The following AUTS2 variants were observed in gnomAD, a reference collection of about 807,000 sequenced individuals.
The protein encoded by AUTS2 is activator of transcription and developmental regulator AUTS2, also known as autism susceptibility gene 2 protein.
Under a neutral mutation model 112.4 loss-of-function variants are expected in AUTS2, and 17 were observed. The observed-to-expected ratio is 0.15, with a 90% CI of 0.10 to 0.23. The LOEUF (loss-of-function observed/expected upper bound fraction) is 0.23, where lower values mean the gene tolerates loss of function less well. Among genes scored for constraint, AUTS2 ranks in the 10% least tolerant of loss-of-function variants. The probability of loss-of-function intolerance (pLI) is 1.00; values close to 1 mark genes in which losing one functional copy is unlikely to be tolerated. For synonymous variants in AUTS2, 751 were observed against 702.7 expected, an observed-to-expected ratio of 1.07 and a Z score of -1.09; for missense variants, 1,510 against 1,701.6, an observed-to-expected ratio of 0.89 and a Z score of 1.98.
intron 2 of AUTS2, among the ~76,000 whole-genome samples, chr7:69,909,175 T>A (rs1401053913): frequency 6.6e-6 from 1 of 152,264 alleles, no homozygotes; most frequent in African/African-American, 2.4e-5. Context: ...ATTTTTGTTC[T>A]GTACATTTAC....
intron 1 of AUTS2, among the ~76,000 whole-genome samples, chr7:69,619,420 A>T (rs1443843337): frequency 4.6e-5 from 7 of 152,108 alleles, no homozygotes; most frequent in African/African-American, 1.7e-4. Flanking sequence ...ACATTTAGAA[A>T]ACCTGGAGTC....
chr7:69,906,041 G>A (rs1474892135), intron 2 of AUTS2, among the ~76,000 whole-genome samples: 1 of 152,186 alleles, frequency 6.6e-6, no homozygotes, highest in Non-Finnish European at 1.5e-5. Flanking sequence ...GAGGAGTTAA[G>A]AAAGATAAAG....
intron 1 of AUTS2, among the ~76,000 whole-genome samples, chr7:69,712,662 T>C (rs1584115781): frequency 1.3e-5 from 2 of 152,208 alleles, no homozygotes; most frequent in East Asian, 3.8e-4. Context: ...TTTGCAGTTA[T>C]AAATAAAGCT....
intron 5 of AUTS2, among the ~76,000 whole-genome samples, chr7:70,471,741 GA>G (rs1332206791): frequency 4.6e-5 from 7 of 152,130 alleles, no homozygotes; most frequent in Admixed American, 3.9e-4. Flanking sequence ...GGGATGCAAG[GA>G]AGGCCTTGCT....
intron 2 of AUTS2, among the ~76,000 whole-genome samples, chr7:70,077,402 C>T (rs1333060938): frequency 1.3e-5 from 2 of 152,180 alleles, no homozygotes; most frequent in African/African-American, 4.8e-5. Flanking sequence ...GGTTGAAATG[C>T]TGACTTTACA....
At chr7:69,608,587 A>G (rs1182177838) in intron 1 of AUTS2, among the ~76,000 whole-genome samples, 3 of 152,198 alleles carry the variant, frequency 2.0e-5, no homozygotes, top group African/African-American at 4.8e-5. Context: ...GAAATATTCT[A>G]TAGTTAAAAT....
At chr7:69,629,829 G>GAAGA (rs1056814444) in intron 1 of AUTS2, among the ~76,000 whole-genome samples, 5 of 151,608 alleles carry the variant, frequency 3.3e-5, no homozygotes, top group African/African-American at 1.2e-4. Flanking sequence ...GTGAAGGAAG[G>GAAGA]AAGGAATGAA....
intron 5 of AUTS2, among the ~76,000 whole-genome samples, chr7:70,454,230 G>A (rs751912509): frequency 1.3e-5 from 2 of 152,068 alleles, no homozygotes; most frequent in Non-Finnish European, 2.9e-5. Flanking sequence ...GTTTTTTAAC[G>A]CTATTAAAAA....
chr7:70,503,853 A>G (rs1011056195), intron 5 of AUTS2, among the ~76,000 whole-genome samples: 9 of 151,524 alleles, frequency 5.9e-5, no homozygotes, highest in East Asian at 1.9e-4. Context: ...AAAAAAAAAA[A>G]AAGAAGAAAG....
chr7:69,919,731 A>G (rs1795733346), intron 2 of AUTS2, among the ~76,000 whole-genome samples: 1 of 152,184 alleles, frequency 6.6e-6, no homozygotes, highest in South Asian at 2.1e-4. Context: ...GATGTTATAC[A>G]TGCTGGAGTA....
intron 5 of AUTS2, among the ~76,000 whole-genome samples, chr7:70,648,784 C>G (rs1405803041): frequency 6.6e-6 from 1 of 152,102 alleles, no homozygotes; most frequent in Non-Finnish European, 1.5e-5. Context: ...CAGGGCTTCA[C>G]CATGTTGGCC....
intron 2 of AUTS2, among the ~76,000 whole-genome samples, chr7:70,039,696 C>T (rs145373608): frequency 1.0e-3 from 158 of 152,188 alleles, no homozygotes; most frequent in Non-Finnish European, 1.7e-3. Flanking sequence ...AATTATTTAA[C>T]GAGATTTTTC....
intron 2 of AUTS2, among the ~76,000 whole-genome samples, chr7:69,994,784 A>G (rs1428917028): frequency 6.6e-6 from 1 of 152,198 alleles, no homozygotes; most frequent in African/African-American, 2.4e-5. Context: ...TCTACCAGGT[A>G]GACATGCAAG....
In AUTS2 at chr7:70,701,375, T is replaced by G. The variant is rs1341290106; in HGVS notation, c.742+2755T>G. Among the ~76,000 whole-genome samples the G allele has an allele frequency of 5.9e-5, 9 of 152,198 alleles. No individual in the cohort carries two copies. In the South Asian group the frequency reaches 1.9e-3, roughly 32 times the overall value. ...GAGCTTGAATAAGTCATTTACCCTC[T>G]TTAGGTCAAGATTTTCAATCATAAC... On this transcript the variant is annotated intron_variant, in intron 6 of 18. Coordinates refer to ENST00000342771, the MANE Select transcript of AUTS2 (RefSeq NM_015570.4).
At chr7:69,917,700 A>G (rs1457600177) in intron 2 of AUTS2, among the ~76,000 whole-genome samples, 1 of 151,832 alleles carries the variant, frequency 6.6e-6, no homozygotes. Context: ...CTGTTATACT[A>G]CTCTGTATGC....
intron 4 of AUTS2, among the ~76,000 whole-genome samples, chr7:70,420,997 C>T (rs1795195081): frequency 6.6e-6 from 1 of 152,126 alleles, no homozygotes; most frequent in Non-Finnish European, 1.5e-5. Flanking sequence ...TCACTCTGTG[C>T]TAGAAAAATT....
intron 4 of AUTS2, among the ~76,000 whole-genome samples, chr7:70,233,605 C>T (rs553616602): frequency 6.6e-6 from 1 of 152,192 alleles, no homozygotes; most frequent in African/African-American, 2.4e-5. Context: ...TGGCTTTTAT[C>T]TGATGTATAT....
chr7:69,654,903 G>A (rs1007834523), intron 1 of AUTS2, among the ~76,000 whole-genome samples: 2 of 151,898 alleles, frequency 1.3e-5, no homozygotes, highest in African/African-American at 4.8e-5. Context: ...CAAATAATAG[G>A]GCTCCTGACA....
intron 4 of AUTS2, among the ~76,000 whole-genome samples, chr7:70,190,282 G>T (rs966822645): frequency 2.0e-5 from 3 of 151,948 alleles, no homozygotes; most frequent in Admixed American, 6.6e-5. Flanking sequence ...ATTTTATTTT[G>T]CCAAGATAGA....
Sources: allele counts gnomAD v4.1 joint callset (sites outside exome capture counted in the v4.1 genomes callset), GRCh38; gene constraint gnomAD v4.1.1; transcripts MANE v1.5; gene names NCBI Gene and HGNC (gene_info 2026-07-23, HGNC 2026-07-21).